Variants in CHN2 observed in about 807,000 individuals in gnomAD.
The protein encoded by CHN2 is chimerin 2, also known as beta-chimaerin.
A neutral mutation model predicts 56.3 loss-of-function variants in CHN2; 35 were observed. That is an observed-to-expected ratio of 0.62 (90% CI 0.47 to 0.82). The LOEUF is 0.82. Among genes scored for constraint, CHN2 ranks in the 40% least tolerant of loss-of-function variants. The pLI is 0.00. For missense variants in CHN2, 491 were observed against 580.5 expected, an observed-to-expected ratio of 0.85 and a Z score of 1.58; for synonymous variants, 210 against 212.8, an observed-to-expected ratio of 0.99 and a Z score of 0.12.
At chr7:29,309,770 C>T (rs949088095) in intron 1 of CHN2, among the ~76,000 whole-genome samples, 1 of 152,248 alleles carries the variant, frequency 6.6e-6, no homozygotes, top group Non-Finnish European at 1.5e-5. Context: ...CTGAGTAGGG[C>T]TCCAAGGGAG....
chr7:29,169,624 T>C (rs1796339615), intron 2 of CHN2, among the ~76,000 whole-genome samples: 1 of 152,116 alleles, frequency 6.6e-6, no homozygotes, highest in Non-Finnish European at 1.5e-5. Context: ...CTACCTATTC[T>C]TCTTTGGCTT....
chr7:29,418,470 T>G (rs1378091590), intron 6 of CHN2, among the ~76,000 whole-genome samples: 1 of 152,258 alleles, frequency 6.6e-6, no homozygotes, highest in Non-Finnish European at 1.5e-5. Context: ...AAAGAAATCC[T>G]AATTCCATAG....
intron 3 of CHN2, among the ~76,000 whole-genome samples, chr7:29,368,832 C>T (rs2128041875): frequency 6.6e-6 from 1 of 152,228 alleles, no homozygotes; most frequent in Admixed American, 6.5e-5. Context: ...CATTTTTCTA[C>T]ATAAAATTTT....
Position 29,254,533 on chromosome 7 carries a change from A to G in CHN2, c.49+59543A>G, listed in dbSNP as rs190907030. Among the ~76,000 whole-genome samples the G allele has an allele frequency of 1.7e-4, 26 of 152,332 alleles. No individual in the cohort carries two copies. In the East Asian group the frequency reaches 4.8e-3, roughly 28 times the overall value. On this transcript the variant is annotated intron_variant, in intron 1 of 12. Coordinates refer to ENST00000222792, the MANE Select transcript of CHN2 (RefSeq NM_004067.4). ...TTGATTAATGTTGTTAGTTGCAGAC[A>G]ACAGAAGCCGCTCTAAGGAGTTTAA...
intron 1 of CHN2, among the ~76,000 whole-genome samples, chr7:29,352,066 T>A (rs1384425999): frequency 6.6e-6 from 1 of 152,152 alleles, no homozygotes; most frequent in Non-Finnish European, 1.5e-5. Context: ...AAATGGACAG[T>A]GAGAGGTCAC....
Position 29,194,831 on chromosome 7 carries a change from G to T in CHN2, c.-111G>T. The T allele has an allele frequency of 9.9e-7, 1 of 1,010,702 alleles. No homozygotes were observed. The highest frequency in any genetic ancestry group is 1.3e-6 in the Non-Finnish European group (1 of 759,030). The allele number at this position is 1,010,702 out of a possible 1,614,324, so 62.6% of individuals were successfully genotyped here. On this transcript the variant is annotated 5_prime_UTR_variant, in exon 1 of 13. In the 5' UTR this introduces an upstream ATG that the reference lacks. Coordinates refer to ENST00000222792, the MANE Select transcript of CHN2 (RefSeq NM_004067.4). ...GGCTGGTGCTTTCTGCGCGTCCCCA[G>T]GACTTTGCCATGGGCTGGGGGCCGC...
chr7:29,252,574 C>CTTTTTTTTT (rs150230689), intron 1 of CHN2, among the ~76,000 whole-genome samples: 2 of 19,300 alleles, frequency 1.0e-4, no homozygotes, highest in African/African-American at 2.6e-4. Context: ...AAATTGCATT[C>CTTTTTTTTT]TTTGTTTTTT....
intron 6 of CHN2, among the ~76,000 whole-genome samples, chr7:29,470,149 A>G (rs1318598909): frequency 6.6e-6 from 1 of 152,210 alleles, no homozygotes; most frequent in Admixed American, 6.5e-5. Context: ...GTCTGCATCA[A>G]TCACACACAC....
Position 29,273,370 on chromosome 7 carries a change from TATATATATATATATATATAC to T in CHN2, c.49+78382_49+78401del, listed in dbSNP as rs1411439307. ...ATATATATATATATATATATATATA[TATATATATATATATATATAC>T]ACACACCACATTTTCTTTATTGGTT... On this transcript the variant is annotated intron_variant, in intron 1 of 12. Transcript: ENST00000222792. Among the ~76,000 whole-genome samples the T allele has an allele frequency of 4.0e-3, 197 of 49,632 alleles. 7 individuals are homozygous for T. In the East Asian group the frequency reaches 0.11, roughly 28 times the overall value. The allele number at this position is 49,632 out of a possible 152,430, so 32.6% of individuals were successfully genotyped here.
chr7:29,471,280 G>A (rs992028848), intron 6 of CHN2, among the ~76,000 whole-genome samples: 6 of 152,216 alleles, frequency 3.9e-5, no homozygotes, highest in Middle Eastern at 3.2e-3. Context: ...ACAATGACGT[G>A]TTGAAATGCG....
chr7:29,392,651 G>A (rs1351399153), intron 3 of CHN2, among the ~76,000 whole-genome samples: 1 of 152,162 alleles, frequency 6.6e-6, no homozygotes, highest in Non-Finnish European at 1.5e-5. Context: ...CTAGCTCCTA[G>A]TGTCCTGTTA....
At chr7:29,507,016 C>G (rs759728271) in intron 10 of CHN2, among the ~76,000 whole-genome samples, 4 of 152,190 alleles carry the variant, frequency 2.6e-5, no homozygotes, top group Non-Finnish European at 5.9e-5. Flanking sequence ...TGTTTTATCA[C>G]CCGTTTGCCT....
chr7:29,270,534 C>T (rs983510334), intron 1 of CHN2, among the ~76,000 whole-genome samples: 5 of 148,394 alleles, frequency 3.4e-5, no homozygotes, highest in South Asian at 2.2e-4. Context: ...CCTGGTGGTG[C>T]GCACTTGTAA....
chr7:29,256,417 C>G (rs245975), intron 1 of CHN2, among the ~76,000 whole-genome samples: 63,893 of 152,108 alleles, frequency 0.42, 14,713 homozygotes, highest in East Asian at 0.89. Flanking sequence ...TGTGAACATT[C>G]GAAAGAAGAG....
chr7:29,408,597 T>C (rs1802882293), intron 6 of CHN2, among the ~76,000 whole-genome samples: 2 of 152,202 alleles, frequency 1.3e-5, no homozygotes, highest in African/African-American at 4.8e-5. Context: ...TTGCTCCCTT[T>C]CCATGACTCC....
At chr7:29,379,420 C>A (rs1374330214) in intron 3 of CHN2, among the ~76,000 whole-genome samples, 2 of 152,182 alleles carry the variant, frequency 1.3e-5, no homozygotes, top group Non-Finnish European at 2.9e-5. Context: ...CCTATATGTT[C>A]TTGAATTCTG....
At chr7:29,361,720 T>G (rs1182687712) in intron 2 of CHN2, among the ~76,000 whole-genome samples, 1 of 152,208 alleles carries the variant, frequency 6.6e-6, no homozygotes, top group Non-Finnish European at 1.5e-5. Flanking sequence ...CCTGTTGACA[T>G]AGGAGAGGAA....
chr7:29,427,879 T>A (rs1271971831), intron 6 of CHN2, among the ~76,000 whole-genome samples: 3 of 151,996 alleles, frequency 2.0e-5, no homozygotes, highest in Non-Finnish European at 2.9e-5. Flanking sequence ...TTGGTCTCGA[T>A]CTCTTGACCT....
intron 6 of CHN2, among the ~76,000 whole-genome samples, chr7:29,408,600 A>T (rs184889836): frequency 6.6e-6 from 1 of 152,200 alleles, no homozygotes; most frequent in African/African-American, 2.4e-5. Context: ...CTCCCTTTCC[A>T]TGACTCCTTT....
Sources: gnomAD v4.1 joint callset for allele counts (sites outside exome capture counted in the v4.1 genomes callset) on GRCh38, gnomAD v4.1.1 for gene constraint, MANE v1.5 for transcripts, NCBI Gene and HGNC (gene_info 2026-07-23, HGNC 2026-07-21) for gene names.